Variants in LACTB2 observed in about 807,000 individuals in gnomAD.
The protein encoded by LACTB2 is endoribonuclease LACTB2.
Under a neutral mutation model 34.8 loss-of-function variants are expected in LACTB2, and 32 were observed. The observed-to-expected ratio is 0.92, with a 90% CI of 0.69 to 1.24. The LOEUF (loss-of-function observed/expected upper bound fraction) is 1.24, where lower values mean the gene tolerates loss of function less well. Ranked by LOEUF, LACTB2 falls within the 50% of genes most tolerant of loss-of-function variation. The pLI is 0.00. For synonymous variants in LACTB2, 120 were observed against 117.5 expected, an observed-to-expected ratio of 1.02 and a Z score of -0.14; for missense variants, 320 against 345.0, an observed-to-expected ratio of 0.93 and a Z score of 0.57.
At chr8:70,645,308 A>G (rs1013700443) in intron 3 of LACTB2, among the ~76,000 whole-genome samples, 1 of 152,100 alleles carries the variant, frequency 6.6e-6, no homozygotes, top group Non-Finnish European at 1.5e-5. Flanking sequence ...TTGTAAAGAC[A>G]AGGTCTCTTT....
chr8:70,657,332 T>G (rs1217708961), intron 3 of LACTB2, among the ~76,000 whole-genome samples: 1 of 152,166 alleles, frequency 6.6e-6, no homozygotes, highest in African/African-American at 2.4e-5. Flanking sequence ...AAGCAACTCA[T>G]TTTCTCCTCC....
chr8:70,657,633 G>A, intron 3 of LACTB2, 123 bp downstream of exon 3: 1 of 909,822 alleles, frequency 1.1e-6, no homozygotes, highest in Non-Finnish European at 1.6e-6. Context: ...GGCTGGTCTT[G>A]AACTCCTGGG....
At chr8:70,640,244 A>G (rs1015444511) in intron 5 of LACTB2, among the ~76,000 whole-genome samples, 1 of 152,168 alleles carries the variant, frequency 6.6e-6, no homozygotes, top group African/African-American at 2.4e-5. Context: ...TACAGGGGTG[A>G]GCCACCACGC....
rs1211686921 is a variant in LACTB2 at position 70,637,383 on chromosome 8, G to A, written c.*477C>T. 2.6e-5 allele frequency: 4 copies of A among 152,126 alleles called. No homozygotes were observed. Among genetic ancestry groups the A allele is most frequent in the Admixed American group, 2.6e-4 (4 of 15,268 alleles). The allele number at this position is 152,126 out of a possible 1,614,324, so 9.4% of individuals were successfully genotyped here. Reference sequence around the variant, plus strand: ...TACAGAGTTATGGAACCAATAGATAGTCATGATATAGTTGATAGAAACATC... The same window carrying A: ...TACAGAGTTATGGAACCAATAGATAATCATGATATAGTTGATAGAAACATC... On this transcript the variant is annotated 3_prime_UTR_variant, in exon 7 of 7. Transcript: ENST00000276590.
At chr8:70,646,510 T>C (rs1818265870) in intron 3 of LACTB2, 1 of 152,074 alleles carries the variant, frequency 6.6e-6, no homozygotes, top group Non-Finnish European at 1.5e-5. Flanking sequence ...ATCTATTTTT[T>C]TCTCTCTAGT....
In LACTB2 at chr8:70,661,844, A is replaced by G; in HGVS notation, c.176T>C (p.Leu59Ser). 1 of 1,613,730 alleles carries G rather than the reference A, an allele frequency of 6.2e-7. No individual in the cohort carries two copies. Among genetic ancestry groups the G allele is most frequent in the African/African-American group, 1.3e-5 (1 of 75,034 alleles). The change falls in exon 2 of 7, where the codon TTA becomes TCA. Residue 59 changes from leucine to serine, a missense_variant. Leu to Ser is a moderately radical substitution (Grantham distance 145). Transcript: ENST00000276590. ...GTTAAATTCAGTTAGAGCCTGCTTT[A>G]AACAGCTGATGTATTCTGGAATTGC... ...EPAIPEYISC[L>S]KQALTEFNTA...
rs146364764 is a variant in LACTB2, at chr8:70,661,743, T to C, written c.277A>G (p.Ile93Val). 3.5e-5 allele frequency: 57 copies of C among 1,607,552 alleles called. No homozygotes were observed. The African/African-American group carries it at 6.3e-4, about 18-fold the overall frequency. The change falls in exon 2 of 7, where the codon ATC becomes GTC. Residue 93 changes from isoleucine (I) to valine (V), a missense_variant. Ile to Val is a conservative substitution (Grantham distance 29). Coordinates refer to ENST00000276590, the MANE Select transcript of LACTB2 (RefSeq NM_016027.3). ...SGGIGDICKS[I>V]NNDTTYCIKK... ...AATGTTTTCTGTTTACCATTATTGA[T>C]GCTTTTACAAATATCTCCTATGCCT...
chr8:70,647,759 G>C (rs556100980), intron 3 of LACTB2, among the ~76,000 whole-genome samples: 1 of 152,324 alleles, frequency 6.6e-6, no homozygotes, highest in South Asian at 2.1e-4. Flanking sequence ...TCTGGAAGTG[G>C]AGGGTGAAGT....
intron 3 of LACTB2, chr8:70,646,045 TTCTA>T (rs1460974886): frequency 6.6e-6 from 1 of 152,206 alleles, no homozygotes; most frequent in African/African-American, 2.4e-5. Flanking sequence ...GTATTTCTAG[TTCTA>T]GATCCCTGAG....
Position 70,657,803 on chromosome 8 carries a change from A to C in LACTB2, c.366T>G (p.Val122=), listed in dbSNP as rs200638729. 8 of 1,612,958 alleles carry C rather than the reference A, an allele frequency of 5.0e-6. No homozygotes were observed. The highest frequency in any genetic ancestry group is 5.9e-6 in the Non-Finnish European group (7 of 1,179,222). ...EIIGNGEQQY[V]YLKDGDVIKT... ...TAATCACATCTCCATCTTTCAGATA[A>C]ACATATTGTTGCTCTCCATTTCCTA... Residue 122 remains valine, a synonymous_variant, in exon 3 of 7, where the codon GTT becomes GTG. Transcript: ENST00000276590.
intron 1 of LACTB2, among the ~76,000 whole-genome samples, chr8:70,668,714 C>T (rs1161076779): frequency 6.7e-6 from 1 of 149,902 alleles, no homozygotes; most frequent in African/African-American, 2.5e-5. Context: ...GGCATTCAAA[C>T]ATCAAGAACA....
rs1818480514 is a variant in LACTB2 at position 70,661,492 on chromosome 8, A to G, written c.286+242T>C. 7.9e-6 allele frequency: 3 copies of G among 377,594 alleles called. No individual in the cohort carries two copies. In the East Asian group the frequency reaches 1.6e-4, roughly 20 times the overall value. 23.4% of individuals were successfully genotyped at this position (377,594 alleles called of 1,614,324 possible). A position where few individuals can be genotyped will look rare whatever the true frequency, so the allele number is the denominator to read the frequency against. On this transcript the variant is annotated intron_variant, in intron 2 of 6. Coordinates refer to ENST00000276590, the MANE Select transcript of LACTB2 (RefSeq NM_016027.3). ...TGCTCAACAGTTGTTAGTTATGATTAAGTCTGAATAGTAACTCACACACTA... is the reference window on the plus strand; with the variant it reads ...TGCTCAACAGTTGTTAGTTATGATTGAGTCTGAATAGTAACTCACACACTA...
intron 1 of LACTB2, among the ~76,000 whole-genome samples, chr8:70,667,275 G>A (rs973387795): frequency 2.0e-5 from 3 of 152,180 alleles, no homozygotes; most frequent in Admixed American, 6.5e-5. Context: ...TACCATTGGG[G>A]TTAGTGATAC....
chr8:70,662,099 A>G, intron 1 of LACTB2: 1 of 454,974 alleles, frequency 2.2e-6, no homozygotes, highest in Non-Finnish European at 3.9e-6. Context: ...AGCTAAATAT[A>G]AGTCTGAACA....
chr8:70,655,220 ATTTT>A (rs36122235), intron 3 of LACTB2, among the ~76,000 whole-genome samples: 1 of 137,282 alleles, frequency 7.3e-6, no homozygotes. Context: ...ATTAATTCCT[ATTTT>A]TTTTTTTTTT....
intron 5 of LACTB2, 30 bp from the exon 6 acceptor site, chr8:70,638,659 C>CA: frequency 3.2e-6 from 4 of 1,249,864 alleles, no homozygotes; most frequent in Non-Finnish European, 4.1e-6. Flanking sequence ...GAAAAAAATT[C>CA]CTTTTTTTTT....
intron 1 of LACTB2, among the ~76,000 whole-genome samples, chr8:70,668,752 T>TTTTTG (rs1818574823): frequency 8.7e-6 from 1 of 114,306 alleles, no homozygotes; most frequent in African/African-American, 4.0e-5. Context: ...ACAGAAGTTT[T>TTTTTG]TTTTTTTTTT....
At position 70,660,954 on chromosome 8, in the gene LACTB2, T is replaced by C. The variant is rs532357109; in HGVS notation, c.286+780A>G. Reference sequence around the variant, plus strand: ...CACCATACCCGGGAAATTTTTGTACTTTTTTTGTAGAGACAGGGTCTTGCT... The same window carrying C: ...CACCATACCCGGGAAATTTTTGTACCTTTTTTGTAGAGACAGGGTCTTGCT... On this transcript the variant is annotated intron_variant, in intron 2 of 6. Coordinates refer to ENST00000276590, the MANE Select transcript of LACTB2 (RefSeq NM_016027.3). 67 of 455,506 alleles carry C rather than the reference T, an allele frequency of 1.5e-4. 1 individual carries two copies. The highest frequency in any genetic ancestry group is 1.0e-3 in the South Asian group (66 of 64,388). The allele number at this position is 455,506 out of a possible 1,614,324, so 28.2% of individuals were successfully genotyped here.
At chr8:70,650,391 C>A (rs560290161) in intron 3 of LACTB2, among the ~76,000 whole-genome samples, 2 of 152,126 alleles carry the variant, frequency 1.3e-5, no homozygotes, top group Admixed American at 6.6e-5. Context: ...CAGGATAATT[C>A]TACCAAACAT....
Sources: gnomAD v4.1 joint callset for allele counts (sites outside exome capture counted in the v4.1 genomes callset) on GRCh38, gnomAD v4.1.1 for gene constraint, MANE v1.5 for transcripts, NCBI Gene and HGNC (gene_info 2026-07-23, HGNC 2026-07-21) for gene names.